Variants in MYO5B observed in about 807,000 individuals in gnomAD.
The protein encoded by MYO5B is myosin VB, also known as unconventional myosin-Vb.
MYO5B carries 143 observed loss-of-function variants against 229.3 expected under a neutral mutation model. The ratio of observed to expected loss-of-function variants is 0.62; its 90% CI spans 0.54 to 0.72. MYO5B has a LOEUF of 0.72. Ranked by LOEUF, MYO5B falls within the 30% of genes least tolerant of loss-of-function variation. MYO5B has a pLI of 0.00. For synonymous variants in MYO5B, 918 were observed against 885.2 expected (o/e 1.04, Z -0.66); for missense variants, 2,321 against 2,331.0 (o/e 1.00, Z 0.09).
At chr18:50,125,840 T>G (rs1373270596) in intron 1 of MYO5B, among the ~76,000 whole-genome samples, 4 of 152,164 alleles carry the variant, frequency 2.6e-5, no homozygotes, top group Admixed American at 6.5e-5. Context: ...GGAAGGAAAT[T>G]CTAACACATA....
At chr18:50,090,093 G>A (rs562202870) in intron 1 of MYO5B, among the ~76,000 whole-genome samples, 7 of 152,242 alleles carry the variant, frequency 4.6e-5, no homozygotes, top group Non-Finnish European at 7.4e-5. Flanking sequence ...GTCTCTGTAC[G>A]AGGGAGCTTC....
chr18:50,045,839 C>A (rs2030209399), intron 2 of MYO5B, among the ~76,000 whole-genome samples: 1 of 152,184 alleles, frequency 6.6e-6, no homozygotes, highest in Non-Finnish European at 1.5e-5. Context: ...CTGTTCTAAG[C>A]CCTGTGGGCC....
intron 29 of MYO5B, among the ~76,000 whole-genome samples, chr18:49,859,984 C>CG (rs894592749): frequency 2.0e-5 from 3 of 152,088 alleles, no homozygotes; most frequent in South Asian, 2.1e-4. Flanking sequence ...TGTGTATTGG[C>CG]GGGGGGCGGC....
At chr18:49,921,710 G>A (rs948977062) in intron 17 of MYO5B, among the ~76,000 whole-genome samples, 8 of 152,142 alleles carry the variant, frequency 5.3e-5, no homozygotes, top group South Asian at 2.1e-4. Context: ...TTTGGGGAAG[G>A]GGGGTAAGAA....
At chr18:50,060,116 C>T (rs1232951104) in intron 1 of MYO5B, among the ~76,000 whole-genome samples, 2 of 152,140 alleles carry the variant, frequency 1.3e-5, no homozygotes, top group Admixed American at 6.5e-5. Flanking sequence ...GTTGCAAACA[C>T]TGAATGTACT....
intron 1 of MYO5B, among the ~76,000 whole-genome samples, chr18:50,192,638 A>C (rs1432037023): frequency 6.6e-6 from 1 of 152,226 alleles, no homozygotes; most frequent in East Asian, 1.9e-4. Context: ...CTCTCAAAGA[A>C]GAGCAATTTT....
intron 14 of MYO5B, among the ~76,000 whole-genome samples, chr18:49,942,584 C>T (rs1283570552): frequency 2.0e-5 from 3 of 152,014 alleles, no homozygotes; most frequent in African/African-American, 7.3e-5. Flanking sequence ...CAAAAGAAGA[C>T]ATTTATGCAG....
rs1328612940 is a variant in MYO5B at position 49,980,519 on chromosome 18, C to T, written c.981G>A (p.Lys327=). The T allele has an allele frequency of 6.8e-6, 11 of 1,613,626 alleles. No individual in the cohort carries two copies. The highest frequency in any genetic ancestry group is 9.3e-6 in the Non-Finnish European group (11 of 1,179,748). Residue 327 remains lysine, a synonymous_variant, in exon 9 of 40, where the codon AAG becomes AAA. Coordinates refer to ENST00000285039, the MANE Select transcript of MYO5B (RefSeq NM_001080467.3). ...CAAGGTGCAAGATAGAAGCAATTATCTTAAAAATGCTCATCTGATGGGACT... is the reference window on the plus strand; with the variant it reads ...CAAGGTGCAAGATAGAAGCAATTATTTTAAAAATGCTCATCTGATGGGACT... ...VKESHQMSIF[K]IIASILHLGS...
chr18:49,839,170 G>A lies in MYO5B; in HGVS notation c.4826C>T (p.Ala1609Val), dbSNP rs1246614187. The change falls in exon 36 of 40, where the codon GCC becomes GTC. Residue 1609 changes from alanine to valine, a missense_variant. Around this residue, in one of 2 missense-constraint regions of MYO5B, gnomAD observed 2,113 missense variants for 2,044.7 expected, o/e 1.03. Transcript: ENST00000285039. ...IQIYQQLIKI[A>V]EGVLQPMIVS... ...TATCATCGGCTGTAACACGCCCTCG[G>A]CAATTTTAATGAGCTGCTGGTAGAT... 6.2e-7 allele frequency: 1 copy of A among 1,613,944 alleles called. No homozygotes were observed. Among genetic ancestry groups the A allele is most frequent in the Non-Finnish European group, 8.5e-7 (1 of 1,180,034 alleles).
At chr18:49,836,956 G>C (rs1368946665) in intron 37 of MYO5B, 71 bp from the exon 38 acceptor site, 8 of 1,478,870 alleles carry the variant, frequency 5.4e-6, no homozygotes, top group Non-Finnish European at 6.5e-6. Context: ...GACACCTGTT[G>C]TGTTTTGCAG....
At position 50,163,063 on chromosome 18, in the gene MYO5B, A is replaced by T. The variant is rs77579453; in HGVS notation, c.27+31704T>A. 4.9e-4 allele frequency among the ~76,000 whole-genome samples: 75 copies of T among 152,282 alleles called. No homozygotes were observed. The East Asian group carries it at 0.013, about 27-fold the overall frequency. On this transcript the variant is annotated intron_variant, in intron 1 of 39. Coordinates refer to ENST00000285039, the MANE Select transcript of MYO5B (RefSeq NM_001080467.3). ...AGCTAATAACAAAAATGACTTCGTG[A>T]AGTATAGTACTATCAGCAGATCTTC...
chr18:50,041,304 G>C (rs2030008021), intron 2 of MYO5B, among the ~76,000 whole-genome samples: 1 of 152,104 alleles, frequency 6.6e-6, no homozygotes, highest in South Asian at 2.1e-4. Context: ...AAACTTTTAG[G>C]AAATTCTATG....
chr18:50,191,419 T>C lies in MYO5B; in HGVS notation c.27+3348A>G, dbSNP rs541012002. 5.3e-5 allele frequency among the ~76,000 whole-genome samples: 8 copies of C among 152,328 alleles called. No homozygotes were observed. The South Asian group carries it at 1.5e-3, about 28-fold the overall frequency. Reference sequence around the variant, plus strand: ...CAATGAAGCTACTTTTTAAGTGTCTTATATCCAAGACCTTTCTCTGGTGAC... The same window carrying C: ...CAATGAAGCTACTTTTTAAGTGTCTCATATCCAAGACCTTTCTCTGGTGAC... On this transcript the variant is annotated intron_variant, in intron 1 of 39. Coordinates refer to ENST00000285039, the MANE Select transcript of MYO5B (RefSeq NM_001080467.3).
At chr18:50,165,589 A>G (rs1314796334) in intron 1 of MYO5B, among the ~76,000 whole-genome samples, 1 of 152,230 alleles carries the variant, frequency 6.6e-6, no homozygotes, top group Non-Finnish European at 1.5e-5. Context: ...CAGTCTGGCC[A>G]ATATGATGAA....
At chr18:50,166,456 A>G (rs1424462823) in intron 1 of MYO5B, among the ~76,000 whole-genome samples, 2 of 152,178 alleles carry the variant, frequency 1.3e-5, no homozygotes, top group Non-Finnish European at 2.9e-5. Context: ...CAAAACATCC[A>G]TCATCCCAAT....
At position 50,128,668 on chromosome 18, in the gene MYO5B, G is replaced by A. The variant is rs116726484; in HGVS notation, c.27+66099C>T. ...TTCTGCACCCTGCCCAGGTACAAAG[G>A]CCAAAGAGCCCAGGGAGAAGGCCAC... On this transcript the variant is annotated intron_variant, in intron 1 of 39. Coordinates refer to ENST00000285039, the MANE Select transcript of MYO5B (RefSeq NM_001080467.3). Among the ~76,000 whole-genome samples, 1,467 of 152,222 alleles carry A rather than the reference G, an allele frequency of 9.6e-3. 24 individuals carry two copies. The highest frequency in any genetic ancestry group is 0.032 in the African/African-American group (1,334 of 41,532).
chr18:49,932,972 T>C (rs370699021), intron 16 of MYO5B, among the ~76,000 whole-genome samples: 7 of 152,214 alleles, frequency 4.6e-5, no homozygotes, highest in Non-Finnish European at 7.4e-5. Flanking sequence ...ACCAAAGACA[T>C]AGAAGGTCAC....
At chr18:49,951,522 T>A (rs2025431003) in intron 14 of MYO5B, among the ~76,000 whole-genome samples, 1 of 152,170 alleles carries the variant, frequency 6.6e-6, no homozygotes, top group Non-Finnish European at 1.5e-5. Context: ...GAAAAGCAGC[T>A]CAGCTATTAA....
chr18:50,018,891 A>G (rs1468588679), intron 4 of MYO5B, among the ~76,000 whole-genome samples: 2 of 152,260 alleles, frequency 1.3e-5, no homozygotes, highest in African/African-American at 2.4e-5. Context: ...AAGAAAAAAG[A>G]AAAGTAGCTA....
Sources: allele counts gnomAD v4.1 joint callset (sites outside exome capture counted in the v4.1 genomes callset), GRCh38; gene constraint gnomAD v4.1.1; regional missense constraint gnomAD v4.1.1; transcripts MANE v1.5; gene names NCBI Gene and HGNC (gene_info 2026-07-23, HGNC 2026-07-21).